Variants in NRG1 observed in about 807,000 individuals in gnomAD.
NRG1 encodes pro-neuregulin-1, membrane-bound isoform.
NRG1 carries 18 observed loss-of-function variants against 63.8 expected under a neutral mutation model. That is an observed-to-expected ratio of 0.28 (90% CI 0.19 to 0.42). The LOEUF (loss-of-function observed/expected upper bound fraction) is 0.42, where lower values mean the gene tolerates loss of function less well. Ranked by LOEUF, NRG1 falls within the 10% of genes least tolerant of loss-of-function variation. The probability of loss-of-function intolerance (pLI) is 1.00; values close to 1 mark genes in which losing one functional copy is unlikely to be tolerated. For missense variants in NRG1, 762 were observed against 814.7 expected (o/e 0.94, Z 0.79); for synonymous variants, 302 against 301.3 (o/e 1.00, Z -0.02).
At chr8:31,755,649 A>G (rs1031139513) in intron 1 of NRG1, among the ~76,000 whole-genome samples, 2 of 152,068 alleles carry the variant, frequency 1.3e-5, no homozygotes, top group Non-Finnish European at 2.9e-5. Context: ...TGTATGATTA[A>G]CCAATATACC....
At chr8:31,842,535 G>A (rs1826292022) in intron 1 of NRG1, among the ~76,000 whole-genome samples, 2 of 152,122 alleles carry the variant, frequency 1.3e-5, no homozygotes, top group African/African-American at 4.8e-5. Context: ...AACACTATGG[G>A]TTGATAACCT....
intron 1 of NRG1, among the ~76,000 whole-genome samples, chr8:32,081,996 A>G (rs1382726377): frequency 6.6e-6 from 1 of 152,130 alleles, no homozygotes; most frequent in Non-Finnish European, 1.5e-5. Context: ...GCTGGCTTTG[A>G]CAAAGGACAC....
chr8:32,566,815 C>T (rs1837534242), intron 1 of NRG1, among the ~76,000 whole-genome samples: 1 of 151,358 alleles, frequency 6.6e-6, no homozygotes, highest in Non-Finnish European at 1.5e-5. Context: ...CTGAAGAGTA[C>T]CTAAGTTAGG....
intron 1 of NRG1, among the ~76,000 whole-genome samples, chr8:32,025,828 G>T (rs2130325113): frequency 6.6e-6 from 1 of 150,988 alleles, no homozygotes; most frequent in Non-Finnish European, 1.5e-5. Flanking sequence ...GGCGCCTGTA[G>T]TCCCAGCTAC....
At chr8:32,345,789 G>A (rs1804806927) in intron 1 of NRG1, among the ~76,000 whole-genome samples, 1 of 151,964 alleles carries the variant, frequency 6.6e-6, no homozygotes, top group African/African-American at 2.4e-5. Context: ...GACTAACATA[G>A]TGACAAACCC....
intron 5 of NRG1, among the ~76,000 whole-genome samples, chr8:32,623,972 G>GAGATATAGATAT (rs199801213): frequency 4.6e-5 from 7 of 152,160 alleles, no homozygotes; most frequent in South Asian, 4.2e-4. Flanking sequence ...GTATGTGTAT[G>GAGATATAGATAT]AGATATAGAT....
chr8:31,737,353 G>A (rs1220885401), intron 1 of NRG1, among the ~76,000 whole-genome samples: 2 of 152,068 alleles, frequency 1.3e-5, no homozygotes, highest in Non-Finnish European at 2.9e-5. Flanking sequence ...GAATTATTAT[G>A]TTGTAATTTC....
At chr8:31,891,658 C>T (rs1831154591) in intron 1 of NRG1, among the ~76,000 whole-genome samples, 1 of 152,132 alleles carries the variant, frequency 6.6e-6, no homozygotes, top group East Asian at 1.9e-4. Context: ...GAAGTGAAAA[C>T]TTGTGTTCAC....
At chr8:32,182,896 A>T (rs527242048) in intron 1 of NRG1, among the ~76,000 whole-genome samples, 2 of 152,330 alleles carry the variant, frequency 1.3e-5, no homozygotes, top group African/African-American at 4.8e-5. Context: ...TTACTTTAAA[A>T]AATTTCAAAA....
chr8:31,704,559 G>A (rs112531431), intron 1 of NRG1, among the ~76,000 whole-genome samples: 252 of 152,162 alleles, frequency 1.7e-3, no homozygotes, highest in African/African-American at 5.9e-3. Context: ...AGGGCTGGGC[G>A]CGGTGGCTCA....
intron 1 of NRG1, among the ~76,000 whole-genome samples, chr8:32,579,331 T>C (rs1230397757): frequency 5.3e-5 from 8 of 151,546 alleles, no homozygotes; most frequent in Admixed American, 3.3e-4. Context: ...AAACCCAGAA[T>C]AGATCTTCGT....
At chr8:32,458,899 A>G (rs1244694000) in intron 1 of NRG1, among the ~76,000 whole-genome samples, 1 of 152,152 alleles carries the variant, frequency 6.6e-6, no homozygotes, top group Non-Finnish European at 1.5e-5. Context: ...CTGGCTTTCT[A>G]TCTCACTGGC....
At chr8:32,677,761 C>CT in intron 5 of NRG1, among the ~76,000 whole-genome samples, 1 of 152,194 alleles carries the variant, frequency 6.6e-6, no homozygotes, top group Non-Finnish European at 1.5e-5. Context: ...TTCCACTTGC[C>CT]TAGCAGGCCA....
intron 1 of NRG1, among the ~76,000 whole-genome samples, chr8:32,022,863 T>C (rs909523020): frequency 5.3e-5 from 8 of 152,224 alleles, no homozygotes; most frequent in Non-Finnish European, 1.0e-4. Flanking sequence ...GAGTCTGTGC[T>C]AAATGCTATT....
intron 1 of NRG1, among the ~76,000 whole-genome samples, chr8:31,747,314 A>G (rs1218585874): frequency 6.6e-6 from 1 of 151,922 alleles, no homozygotes; most frequent in East Asian, 1.9e-4. Context: ...TATCCACAAA[A>G]AAAGTGTTGG....
intron 1 of NRG1, among the ~76,000 whole-genome samples, chr8:32,438,122 A>C (rs1819020868): frequency 6.6e-6 from 1 of 152,168 alleles, no homozygotes; most frequent in African/African-American, 2.4e-5. Context: ...TACAATCAAG[A>C]TACAGAACAT....
intron 1 of NRG1, among the ~76,000 whole-genome samples, chr8:32,198,792 G>A (rs892008676): frequency 2.0e-5 from 3 of 151,928 alleles, no homozygotes; most frequent in African/African-American, 7.3e-5. Flanking sequence ...CCTAAACTAT[G>A]TTGTTTTCCT....
chr8:31,658,099 C>G (rs1030532950), intron 1 of NRG1, among the ~76,000 whole-genome samples: 8 of 152,324 alleles, frequency 5.3e-5, no homozygotes, highest in Non-Finnish European at 7.3e-5. Flanking sequence ...CTTCAATATT[C>G]TACAATGAAC....
intron 1 of NRG1, among the ~76,000 whole-genome samples, chr8:32,453,100 C>G (rs555708554): frequency 2.2e-4 from 33 of 152,302 alleles, no homozygotes; most frequent in Non-Finnish European, 3.5e-4. Flanking sequence ...GAACCAGATT[C>G]TGAACCTGTA....
Sources: gnomAD v4.1 joint callset for allele counts (sites outside exome capture counted in the v4.1 genomes callset) on GRCh38, gnomAD v4.1.1 for gene constraint, MANE v1.5 for transcripts, NCBI Gene and HGNC (gene_info 2026-07-23, HGNC 2026-07-21) for gene names.